SLC33A1: variants seen among roughly 807,000 people sequenced by gnomAD.
SLC33A1 encodes acetyl-coenzyme A transporter 1.
In SLC33A1, 20 loss-of-function variants were observed where a neutral mutation model predicts 50.0. That is an observed-to-expected ratio of 0.40 (90% CI 0.28 to 0.58). The LOEUF (loss-of-function observed/expected upper bound fraction) is 0.58, where lower values mean the gene tolerates loss of function less well. SLC33A1 is among the 20% of genes least tolerant of loss of function. The pLI is 0.44. For synonymous variants in SLC33A1, 265 were observed against 251.8 expected (o/e 1.05, Z -0.50); for missense variants, 476 against 657.0 (o/e 0.72, Z 3.01).
intron 2 of SLC33A1, among the ~76,000 whole-genome samples, chr3:155,839,793 CA>C (rs1167229356): frequency 6.6e-6 from 1 of 151,680 alleles, no homozygotes; most frequent in East Asian, 2.0e-4. Flanking sequence ...TCTAAGAATA[CA>C]AAACTTAGCT....
At chr3:155,851,269 G>A (rs879588683) in intron 1 of SLC33A1, among the ~76,000 whole-genome samples, 1 of 151,866 alleles carries the variant, frequency 6.6e-6, no homozygotes, top group Non-Finnish European at 1.5e-5. Flanking sequence ...TTTAAGACAG[G>A]GTTGCACTCT....
In SLC33A1 at chr3:155,828,329, A is replaced by G. The variant is rs770512726; in HGVS notation, c.1531T>C (p.Tyr511His). The G allele has an allele frequency of 4.3e-5, 69 of 1,607,494 alleles. 1 individual carries two copies. In the South Asian group the frequency reaches 7.1e-4, roughly 17 times the overall value. Residue 511 changes from tyrosine to histidine, a missense_variant, in exon 6 of 6, where the codon TAT becomes CAT. Physicochemically the swap from Tyr to His is moderately conservative, Grantham distance 83. Coordinates refer to ENST00000643144, the MANE Select transcript of SLC33A1 (RefSeq NM_004733.4). ...GSCVTALDGY[Y>H]VESIICVFIG... ...AAAACACAAATAATGGACTCCACATAATAACCATCCAGGGCTGTAACACAT... is the reference window on the plus strand; with the variant it reads ...AAAACACAAATAATGGACTCCACATGATAACCATCCAGGGCTGTAACACAT...
chr3:155,853,411 G>C lies in SLC33A1; in HGVS notation c.587C>G (p.Ala196Gly). Residue 196 changes from alanine to glycine, a missense_variant, in exon 1 of 6, where the codon GCC becomes GGC. Physicochemically the swap from Ala to Gly is moderately conservative, Grantham distance 60 (BLOSUM62 0). Transcript: ENST00000643144. ...FEFLAATQDIAVDGWALTMLS... is the reference protein window; with the variant it reads ...FEFLAATQDIGVDGWALTMLS... ...CATAGTTAACGCCCAACCATCGACG[G>C]CAATGTCCTGAGTGGCGGCCAAGAA... The C allele has an allele frequency of 6.2e-7, 1 of 1,614,070 alleles. No homozygotes were observed. Among genetic ancestry groups the C allele is most frequent in the Non-Finnish European group, 8.5e-7 (1 of 1,180,038 alleles).
chr3:155,834,674 G>GA (rs1297452668), intron 2 of SLC33A1, among the ~76,000 whole-genome samples: 3 of 151,970 alleles, frequency 2.0e-5, no homozygotes, highest in Non-Finnish European at 2.9e-5. Context: ...AATTACAAAA[G>GA]AAAAAATAGT....
intron 2 of SLC33A1, among the ~76,000 whole-genome samples, chr3:155,835,823 C>A (rs1752630062): frequency 6.6e-6 from 1 of 152,124 alleles, no homozygotes; most frequent in African/African-American, 2.4e-5. Flanking sequence ...TTCCAGGACA[C>A]CTCTCTGTAG....
intron 1 of SLC33A1, among the ~76,000 whole-genome samples, chr3:155,850,062 G>A (rs1330273081): frequency 6.6e-6 from 1 of 151,446 alleles, no homozygotes; most frequent in African/African-American, 2.4e-5. Flanking sequence ...AGGCTGGAGT[G>A]CAGTGGCGCG....
chr3:155,827,275 T>C lies in SLC33A1; in HGVS notation c.*935A>G, dbSNP rs1752228985. 1 of 152,196 alleles carries C rather than the reference T, an allele frequency of 6.6e-6. No individual in the cohort carries two copies. Among genetic ancestry groups the C allele is most frequent in the African/African-American group, 2.4e-5 (1 of 41,458 alleles). 9.4% of individuals were successfully genotyped at this position (152,196 alleles called of 1,614,324 possible). A position where few individuals can be genotyped will look rare whatever the true frequency, so the allele number is the denominator to read the frequency against. On this transcript the variant is annotated 3_prime_UTR_variant, in exon 6 of 6. Coordinates refer to ENST00000643144, the MANE Select transcript of SLC33A1 (RefSeq NM_004733.4). ...ATTATGGTACTGCCCATTTAAATTTTACTTAATCAGAAAGCTTTACTGTTT... is the reference window on the plus strand; with the variant it reads ...ATTATGGTACTGCCCATTTAAATTTCACTTAATCAGAAAGCTTTACTGTTT...
intron 1 of SLC33A1, among the ~76,000 whole-genome samples, chr3:155,852,116 T>C (rs1753420965): frequency 6.6e-6 from 1 of 152,202 alleles, no homozygotes; most frequent in Non-Finnish European, 1.5e-5. Context: ...TTGGTCATTT[T>C]ACTTGTTTTC....
At chr3:155,839,824 T>C (rs1362100612) in intron 2 of SLC33A1, among the ~76,000 whole-genome samples, 3 of 151,924 alleles carry the variant, frequency 2.0e-5, no homozygotes, top group Non-Finnish European at 4.4e-5. Flanking sequence ...GGTGTGTGCC[T>C]GTAATCCCAG....
rs1752292610 is a variant in SLC33A1, at chr3:155,828,844, C to G, written c.1483-467G>C. Among the ~76,000 whole-genome samples the G allele has an allele frequency of 2.6e-5, 4 of 151,816 alleles. No homozygotes were observed. In the South Asian group the frequency reaches 8.3e-4, roughly 32 times the overall value. On this transcript the variant is annotated intron_variant, in intron 5 of 5. Coordinates refer to ENST00000643144, the MANE Select transcript of SLC33A1 (RefSeq NM_004733.4). ...GGCTCAAGCAATCTGCCTGCTTCAG[C>G]CTCTCAAAATGCTGGAATTACGGGT... is the stretch of plus-strand genomic sequence containing the variant.
chr3:155,830,645 G>GTA (rs1402102965), intron 4 of SLC33A1, among the ~76,000 whole-genome samples: 85 of 152,044 alleles, frequency 5.6e-4, no homozygotes, highest in African/African-American at 1.9e-3. Flanking sequence ...GATACATAAT[G>GTA]CATACAGCAA....
chr3:155,837,641 A>G (rs1752735939), intron 2 of SLC33A1, among the ~76,000 whole-genome samples: 1 of 152,204 alleles, frequency 6.6e-6, no homozygotes, highest in South Asian at 2.1e-4. Context: ...GAATGGATAA[A>G]TTGTGGCATA....
Position 155,853,806 on chromosome 3 carries a change from G to T in SLC33A1, c.192C>A (p.Ala64=). ...TTAGTTCGGCCCGGAAGCTCTGTGG[G>T]GCTTTTAAGAAGTCGCCAGTGCCGG... The part of the protein sequence containing the change: ...GDTGTGDFLK[A]PQSFRAELSS... Residue 64 remains alanine (A), a synonymous_variant, in exon 1 of 6, where the codon GCC becomes GCA. Transcript: ENST00000643144. 2 of 1,612,038 alleles carry T rather than the reference G, an allele frequency of 1.2e-6. No individual in the cohort carries two copies. The highest frequency in any genetic ancestry group is 1.7e-6 in the Non-Finnish European group (2 of 1,178,824).
intron 2 of SLC33A1, among the ~76,000 whole-genome samples, chr3:155,837,299 T>G (rs1752718315): frequency 7.2e-6 from 1 of 138,886 alleles, no homozygotes; most frequent in Non-Finnish European, 1.5e-5. Context: ...GAGCTTGCAG[T>G]GAGCCGAGAT....
At chr3:155,834,681 T>G (rs1752580939) in intron 2 of SLC33A1, among the ~76,000 whole-genome samples, 1 of 152,054 alleles carries the variant, frequency 6.6e-6, no homozygotes, top group African/African-American at 2.4e-5. Flanking sequence ...AAAGAAAAAA[T>G]AGTACTTTTA....
intron 3 of SLC33A1, 71 bp from the exon 4 acceptor site, chr3:155,833,656 C>T (rs897029810): frequency 1.6e-5 from 16 of 1,023,844 alleles, no homozygotes; most frequent in South Asian, 1.3e-4. Context: ...AACAGAAATC[C>T]GTGTGCCTAC....
chr3:155,850,768 C>T (rs1233929932), intron 1 of SLC33A1, among the ~76,000 whole-genome samples: 1 of 151,588 alleles, frequency 6.6e-6, no homozygotes, highest in African/African-American at 2.4e-5. Flanking sequence ...AAGTGAATGC[C>T]ACCACTTCCA....
intron 1 of SLC33A1, among the ~76,000 whole-genome samples, chr3:155,846,034 A>G (rs1753157137): frequency 6.6e-6 from 1 of 152,216 alleles, no homozygotes; most frequent in South Asian, 2.1e-4. Context: ...CAGACTAAAT[A>G]TTCTGAAGTG....
At chr3:155,829,211 AT>A (rs1327755816) in intron 5 of SLC33A1, among the ~76,000 whole-genome samples, 2 of 151,990 alleles carry the variant, frequency 1.3e-5, no homozygotes, top group Non-Finnish European at 2.9e-5. Context: ...CCGATTATCT[AT>A]TTTCACGATG....
Sources: gnomAD v4.1 joint callset for allele counts (sites outside exome capture counted in the v4.1 genomes callset) on GRCh38, gnomAD v4.1.1 for gene constraint, MANE v1.5 for transcripts, NCBI Gene and HGNC (gene_info 2026-07-23, HGNC 2026-07-21) for gene names.